The following SCD5 variants were observed in gnomAD, a reference collection of about 807,000 sequenced individuals.
SCD5 encodes acyl-CoA-desaturase 4.
Under a neutral mutation model 30.4 loss-of-function variants are expected in SCD5, and 20 were observed. That is an observed-to-expected ratio of 0.66 (90% CI 0.46 to 0.96). SCD5 has a LOEUF of 0.96. Among genes scored for constraint, SCD5 ranks in the 40% least tolerant of loss-of-function variants. The pLI, the probability that SCD5 is intolerant of heterozygous loss-of-function variation, is 0.00. For missense variants in SCD5, 381 were observed against 443.3 expected, an observed-to-expected ratio of 0.86 and a Z score of 1.26; for synonymous variants, 173 against 176.4, an observed-to-expected ratio of 0.98 and a Z score of 0.16.
intron 3 of SCD5, among the ~76,000 whole-genome samples, chr4:82,679,275 AGAAAGAAG>A (rs1728513834): frequency 2.5e-5 from 3 of 119,566 alleles, no homozygotes; most frequent in African/African-American, 9.3e-5. Context: ...AAGGAAAGAA[AGAAAGAAG>A]GAAGGAAAGA....
intron 1 of SCD5, among the ~76,000 whole-genome samples, chr4:82,720,438 AAAT>A (rs1159202381): frequency 3.0e-5 from 4 of 134,566 alleles, no homozygotes; most frequent in African/African-American, 6.0e-5. Context: ...AAAAAGGCAA[AAAT>A]AAAAAAAAAA....
chr4:82,774,068 A>C (rs1721686185), intron 1 of SCD5, among the ~76,000 whole-genome samples: 1 of 150,628 alleles, frequency 6.6e-6, no homozygotes. Context: ...CAGCCTGGGC[A>C]ATAAAATGAG....
chr4:82,775,927 T>G (rs1415813549), intron 1 of SCD5: 1 of 152,386 alleles, frequency 6.6e-6, no homozygotes, highest in East Asian at 1.9e-4. Context: ...AGCAAGCATC[T>G]TCGACGCCTA....
intron 2 of SCD5, among the ~76,000 whole-genome samples, chr4:82,699,795 G>A (rs941063382): frequency 6.6e-6 from 1 of 151,950 alleles, no homozygotes; most frequent in African/African-American, 2.4e-5. Context: ...CCAAGTAGCT[G>A]GGACTACAGG....
intron 3 of SCD5, among the ~76,000 whole-genome samples, chr4:82,676,078 C>A (rs1463349482): frequency 3.9e-5 from 6 of 152,162 alleles, no homozygotes; most frequent in African/African-American, 1.2e-4. Context: ...AGGCGACCGA[C>A]TCAACTCAGC....
chr4:82,644,019 G>A (rs1474551957), intron 3 of SCD5, among the ~76,000 whole-genome samples: 1 of 152,230 alleles, frequency 6.6e-6, no homozygotes, highest in Admixed American at 6.5e-5. Context: ...GTTGAAGCCA[G>A]TTGAGTCAAG....
Position 82,700,166 on chromosome 4 carries a change from G to A in SCD5, c.363+5117C>T, listed in dbSNP as rs1236012587. On this transcript the variant is annotated intron_variant, in intron 2 of 4. Transcript: ENST00000319540. Reference sequence around the variant, plus strand: ...TGGGAGGCGGAGGTTGCAGTGAGTCGAGATCACACCACTGCATTACAGCAT... The same window carrying A: ...TGGGAGGCGGAGGTTGCAGTGAGTCAAGATCACACCACTGCATTACAGCAT... 2.6e-5 allele frequency among the ~76,000 whole-genome samples: 4 copies of A among 151,928 alleles called. No individual in the cohort carries two copies. In the East Asian group the frequency reaches 5.8e-4, roughly 22 times the overall value.
intron 1 of SCD5, among the ~76,000 whole-genome samples, chr4:82,772,738 C>T (rs550654171): frequency 2.0e-5 from 3 of 152,290 alleles, no homozygotes; most frequent in Admixed American, 2.0e-4. Flanking sequence ...AGGTGGGGTG[C>T]TCCCCCGCTG....
chr4:82,797,943 G>A (rs2148856368), intron 1 of SCD5, among the ~76,000 whole-genome samples: 1 of 152,272 alleles, frequency 6.6e-6, no homozygotes, highest in Non-Finnish European at 1.5e-5. Context: ...CCCTCGCTGG[G>A]AGCCGATTCA....
At chr4:82,756,363 G>A (rs971734010) in intron 1 of SCD5, among the ~76,000 whole-genome samples, 1 of 152,144 alleles carries the variant, frequency 6.6e-6, no homozygotes, top group East Asian at 1.9e-4. Flanking sequence ...GTCCCAGTTG[G>A]TTACTTGCTA....
chr4:82,795,584 CT>C (rs998475895), intron 1 of SCD5, among the ~76,000 whole-genome samples: 3 of 150,960 alleles, frequency 2.0e-5, no homozygotes, highest in African/African-American at 7.3e-5. Context: ...AATCCCAGTA[CT>C]TTGGGAGGAC....
chr4:82,682,645 GT>G (rs1728602429), intron 2 of SCD5, among the ~76,000 whole-genome samples: 6 of 152,196 alleles, frequency 3.9e-5, no homozygotes, highest in Admixed American at 3.9e-4. Flanking sequence ...GGAAGAAATT[GT>G]TTTGTTTTTG....
At chr4:82,759,679 G>A (rs578172003) in intron 1 of SCD5, among the ~76,000 whole-genome samples, 4 of 144,804 alleles carry the variant, frequency 2.8e-5, no homozygotes, top group African/African-American at 1.0e-4. Flanking sequence ...GTTATCTCTT[G>A]TAAACCTTTT....
intron 4 of SCD5, among the ~76,000 whole-genome samples, chr4:82,635,743 C>T (rs1459638653): frequency 6.6e-6 from 1 of 152,062 alleles, no homozygotes; most frequent in Non-Finnish European, 1.5e-5. Flanking sequence ...AGTATTACCC[C>T]CACTTTACAG....
At chr4:82,664,999 C>CTCTCTCTCTCTATATATATATATA (rs1219554314) in intron 3 of SCD5, among the ~76,000 whole-genome samples, 1 of 70,490 alleles carries the variant, frequency 1.4e-5, no homozygotes, top group African/African-American at 7.5e-5. Flanking sequence ...CTCTCTCTCT[C>CTCTCTCTCTCTATATATATATATA]TATATATATA....
At chr4:82,751,264 T>C (rs1461826528) in intron 1 of SCD5, among the ~76,000 whole-genome samples, 4 of 151,680 alleles carry the variant, frequency 2.6e-5, no homozygotes, top group Admixed American at 2.6e-4. Flanking sequence ...GGCGTGATCA[T>C]AGCTCACTGC....
At chr4:82,698,321 C>A (rs541436986) in intron 2 of SCD5, among the ~76,000 whole-genome samples, 1 of 152,206 alleles carries the variant, frequency 6.6e-6, no homozygotes, top group South Asian at 2.1e-4. Context: ...TCTACACAAC[C>A]GCCACTGCAT....
chr4:82,742,641 G>C (rs902896406), intron 1 of SCD5, among the ~76,000 whole-genome samples: 2 of 152,116 alleles, frequency 1.3e-5, no homozygotes, highest in Admixed American at 6.5e-5. Context: ...ACAAAAATTA[G>C]CTGGGCATGG....
chr4:82,680,736 A>T lies in SCD5; in HGVS notation c.540T>A (p.Leu180=), dbSNP rs767404987. 6.2e-7 allele frequency: 1 copy of T among 1,614,118 alleles called. No homozygotes were observed. The highest frequency in any genetic ancestry group is 1.7e-5 in the Admixed American group (1 of 60,026). Residue 180 remains leucine, a synonymous_variant, in exon 3 of 5, where the codon CTT becomes CTA. Coordinates refer to ENST00000319540, the MANE Select transcript of SCD5 (RefSeq NM_001037582.3). ...TCTGGATCCGGACCACAGGATCAGCAAGCAGGTCAGTGACGTCAAGCTTTC... is the reference window on the plus strand; with the variant it reads ...TCTGGATCCGGACCACAGGATCAGCTAGCAGGTCAGTGACGTCAAGCTTTC... The part of the protein sequence containing the change: ...KGRKLDVTDL[L]ADPVVRIQRK...
Sources: allele counts gnomAD v4.1 joint callset (sites outside exome capture counted in the v4.1 genomes callset), GRCh38; gene constraint gnomAD v4.1.1; transcripts MANE v1.5; gene names NCBI Gene and HGNC (gene_info 2026-07-23, HGNC 2026-07-21).